The following HLTF variants were observed in gnomAD, a reference collection of about 807,000 sequenced individuals.
The protein encoded by HLTF is DNA-dependent ATPase/E3 ubiquitin-protein ligase HLTF.
In HLTF, 127 loss-of-function variants were observed where a neutral mutation model predicts 129.4. The observed-to-expected ratio is 0.98, with a 90% CI of 0.85 to 1.14. The LOEUF (loss-of-function observed/expected upper bound fraction) is 1.14, where lower values mean the gene tolerates loss of function less well. HLTF is among the 50% of genes most tolerant of loss of function. The probability of loss-of-function intolerance (pLI) is 0.00; values close to 1 mark genes in which losing one functional copy is unlikely to be tolerated. For missense variants in HLTF, 1,139 were observed against 1,187.1 expected (o/e 0.96, Z 0.60); for synonymous variants, 332 against 388.8 (o/e 0.85, Z 1.72).
At chr3:149,057,569 G>A (rs1446533818) in intron 13 of HLTF, among the ~76,000 whole-genome samples, 4 of 152,122 alleles carry the variant, frequency 2.6e-5, no homozygotes, top group Admixed American at 6.5e-5. Flanking sequence ...TACACAGGGG[G>A]CCCTGGAACC....
rs940282521 is a variant in HLTF, at chr3:149,031,580, G to C, written c.*640C>G. ...AGTGTAGTACTACTTAACTAAAATG[G>C]AAAAAATAGTACTCTTAACATAATC... On this transcript the variant is annotated 3_prime_UTR_variant, in exon 25 of 25. Coordinates refer to ENST00000310053, the MANE Select transcript of HLTF (RefSeq NM_003071.4). The C allele has an allele frequency of 1.3e-5, 2 of 152,190 alleles. No homozygotes were observed. Among genetic ancestry groups the C allele is most frequent in the Non-Finnish European group, 2.9e-5 (2 of 67,982 alleles). 9.4% of individuals were successfully genotyped at this position (152,190 alleles called of 1,614,324 possible). A position where few individuals can be genotyped will look rare whatever the true frequency, so the allele number is the denominator to read the frequency against.
intron 18 of HLTF, among the ~76,000 whole-genome samples, chr3:149,044,037 A>G (rs1716339704): frequency 6.6e-6 from 1 of 152,166 alleles, no homozygotes; most frequent in African/African-American, 2.4e-5. Flanking sequence ...CAAAGATTAA[A>G]CTTACAAGCT....
At chr3:149,059,529 G>A (rs930696114) in intron 13 of HLTF, 189 bp downstream of exon 13, 1 of 543,686 alleles carries the variant, frequency 1.8e-6, no homozygotes, top group East Asian at 3.2e-5. Context: ...AACAAATACA[G>A]TAGGAAAATG....
At chr3:149,047,542 T>C (rs1234718143) in intron 17 of HLTF, among the ~76,000 whole-genome samples, 1 of 152,144 alleles carries the variant, frequency 6.6e-6, no homozygotes, top group African/African-American at 2.4e-5. Flanking sequence ...CTTGGGAGGC[T>C]GAGACAGGAG....
chr3:149,062,489 G>A (rs1351457552), intron 10 of HLTF, among the ~76,000 whole-genome samples: 2 of 152,200 alleles, frequency 1.3e-5, no homozygotes, highest in Non-Finnish European at 2.9e-5. Context: ...ATAGCTAGCA[G>A]AGACAAATTT....
chr3:149,050,410 C>A, intron 14 of HLTF, 35 bp from the exon 15 acceptor site: 1 of 1,471,388 alleles, frequency 6.8e-7, no homozygotes, highest in African/African-American at 1.4e-5. Flanking sequence ...TAACAATGAG[C>A]AGATTTGTGT....
Position 149,074,348 on chromosome 3 carries a change from C to T in HLTF, c.396G>A (p.Gly132=), listed in dbSNP as rs778655393. The T allele has an allele frequency of 6.3e-7, 1 of 1,599,676 alleles. No homozygotes were observed. The highest frequency in any genetic ancestry group is 8.5e-7 in the Non-Finnish European group (1 of 1,174,724). ...IMDNKLAQIE[G]VVPFGANNAF... is the part of the protein sequence containing the mutation. ...CATTGTTTGCACCAAAAGGAACTAC[C>T]CTATTATATTTGGGAGAAAAAGAAA... Residue 132 remains glycine, a splice_region_variant and synonymous_variant, in exon 4 of 25, where the codon GGG becomes GGA. Coordinates refer to ENST00000310053, the MANE Select transcript of HLTF (RefSeq NM_003071.4).
chr3:149,030,603 C>G lies in HLTF; in HGVS notation c.*1617G>C, dbSNP rs909669464. 1 of 152,162 alleles carries G rather than the reference C, an allele frequency of 6.6e-6. No homozygotes were observed. The highest frequency in any genetic ancestry group is 2.4e-5 in the African/African-American group (1 of 41,428). The allele number at this position is 152,162 out of a possible 1,614,324, so 9.4% of individuals were successfully genotyped here. A position where few individuals can be genotyped will look rare whatever the true frequency, so the allele number is the denominator to read the frequency against. On this transcript the variant is annotated 3_prime_UTR_variant, in exon 25 of 25. Transcript: ENST00000310053. ...ACTGAAGTATTGCTATATGGAGAACCCATACTCTGATCAACTTGATTTTTT... is the reference window on the plus strand; with the variant it reads ...ACTGAAGTATTGCTATATGGAGAACGCATACTCTGATCAACTTGATTTTTT...
chr3:149,086,508 G>T lies in HLTF; in HGVS notation c.-172C>A, dbSNP rs1720447454. 1.5e-6 allele frequency: 1 copy of T among 661,458 alleles called. No homozygotes were observed. The highest frequency in any genetic ancestry group is 2.6e-6 in the Non-Finnish European group (1 of 382,458). 41.0% of individuals were successfully genotyped at this position (661,458 alleles called of 1,614,324 possible). A position where few individuals can be genotyped will look rare whatever the true frequency, so the allele number is the denominator to read the frequency against. ...GTCGCCGCGAGTCCAGTCAGACGTC[G>T]ACGCCGTCTCCTTCTGCAACAATCT... On this transcript the variant is annotated 5_prime_UTR_variant, in exon 1 of 25. Transcript: ENST00000310053.
chr3:149,077,267 TA>T (rs1559882658), intron 2 of HLTF, among the ~76,000 whole-genome samples: 27 of 149,638 alleles, frequency 1.8e-4, no homozygotes, highest in Admixed American at 8.0e-4. Flanking sequence ...AATAAATAAA[TA>T]AATAAATAAA....
chr3:149,064,908 T>C (rs1304357368), intron 8 of HLTF, 42 bp from the exon 9 acceptor site: 1 of 1,152,938 alleles, frequency 8.7e-7, no homozygotes, highest in Non-Finnish European at 1.3e-6. Flanking sequence ...CTGCTATCAG[T>C]TTTAAATAAC....
intron 24 of HLTF, among the ~76,000 whole-genome samples, chr3:149,032,693 T>A (rs936753316): frequency 6.6e-6 from 1 of 152,126 alleles, no homozygotes; most frequent in African/African-American, 2.4e-5. Context: ...CCGGGCACGG[T>A]GGCTCACACC....
In HLTF at chr3:149,059,772, C is replaced by T. The variant is rs1322710910; in HGVS notation, c.1321G>A (p.Ala441Thr). The change falls in exon 13 of 25, where the codon GCA becomes ACA. Residue 441 changes from alanine (A) to threonine (T), a missense_variant. Ala to Thr is a moderately conservative substitution (Grantham distance 58). Coordinates refer to ENST00000310053, the MANE Select transcript of HLTF (RefSeq NM_003071.4). ...SSKVIEDVAFACALTSSVPTT... is the reference protein window; with the variant it reads ...SSKVIEDVAFTCALTSSVPTT... ...GGAACAGATGAAGTTAATGCACATG[C>T]AAATGCCACATCTTCTATAACCTTA... 18 of 1,603,878 alleles carry T rather than the reference C, an allele frequency of 1.1e-5. No homozygotes were observed. The highest frequency in any genetic ancestry group is 1.5e-5 in the Non-Finnish European group (18 of 1,176,010).
At chr3:149,080,994 A>G (rs1354905486) in intron 2 of HLTF, among the ~76,000 whole-genome samples, 1 of 152,122 alleles carries the variant, frequency 6.6e-6, no homozygotes, top group Non-Finnish European at 1.5e-5. Context: ...CATTTTTCAT[A>G]TTTTATACAA....
intron 1 of HLTF, among the ~76,000 whole-genome samples, chr3:149,085,509 G>A (rs1553745783): frequency 6.6e-6 from 1 of 152,132 alleles, no homozygotes; most frequent in Non-Finnish European, 1.5e-5. Flanking sequence ...TTTAAAAAAT[G>A]AAATCATATG....
chr3:149,045,891 A>ACTTAC (rs1450097069), intron 18 of HLTF, among the ~76,000 whole-genome samples, 189 bp downstream of exon 18: 1 of 152,230 alleles, frequency 6.6e-6, no homozygotes, highest in South Asian at 2.1e-4. Context: ...TTAAAAAATT[A>ACTTAC]CTTACCTGGT....
At chr3:149,054,738 T>C (rs1717281799) in intron 14 of HLTF, among the ~76,000 whole-genome samples, 1 of 152,188 alleles carries the variant, frequency 6.6e-6, no homozygotes, top group South Asian at 2.1e-4. Context: ...AGGCTCTAGA[T>C]TCAAAATGTT....
intron 20 of HLTF, 85 bp from the exon 21 acceptor site, chr3:149,040,241 A>T: frequency 8.7e-7 from 1 of 1,143,170 alleles, no homozygotes. Context: ...TGTATGCTAA[A>T]ATCTGTATCT....
At chr3:149,064,744 A>G in intron 9 of HLTF, 47 bp downstream of exon 9, 2 of 1,128,928 alleles carry the variant, frequency 1.8e-6, no homozygotes, top group Non-Finnish European at 1.3e-6. Flanking sequence ...TATTCAAATT[A>G]AAGTTTACCA....
Sources: gnomAD v4.1 joint callset for allele counts (sites outside exome capture counted in the v4.1 genomes callset) on GRCh38, gnomAD v4.1.1 for gene constraint, MANE v1.5 for transcripts, NCBI Gene and HGNC (gene_info 2026-07-23, HGNC 2026-07-21) for gene names.